Variants in CBR4 observed in about 807,000 individuals in gnomAD.
CBR4 encodes carbonyl reductase 4.
In CBR4, 22 loss-of-function variants were observed where a neutral mutation model predicts 21.0. That is an observed-to-expected ratio of 1.05 (90% CI 0.75 to 1.50). The LOEUF (loss-of-function observed/expected upper bound fraction) is 1.50, where lower values mean the gene tolerates loss of function less well. Ranked by LOEUF, CBR4 falls within the 40% of genes most tolerant of loss-of-function variation. The pLI is 0.00. For synonymous variants in CBR4, 100 were observed against 104.4 expected (o/e 0.96, Z 0.26); for missense variants, 302 against 286.3 (o/e 1.05, Z -0.40).
At chr4:168,939,648 A>T (rs1227210857) in intron 2 of CBR4, among the ~76,000 whole-genome samples, 1 of 152,190 alleles carries the variant, frequency 6.6e-6, no homozygotes, top group Non-Finnish European at 1.5e-5. Flanking sequence ...CCTATACACC[A>T]ATAACAGAGA....
Position 168,993,726 on chromosome 4 carries a change from T to C in CBR4, c.536-3398A>G, listed in dbSNP as rs116117520. Among the ~76,000 whole-genome samples the C allele has an allele frequency of 7.6e-3, 1,164 of 152,256 alleles. 17 individuals carry two copies. The highest frequency in any genetic ancestry group is 0.026 in the African/African-American group (1,087 of 41,542). ...CAGTAACTCTCACAAACTGTCAGCA[T>C]AAAAATCGATGCATTTTAACCCAAA... On this transcript the variant is annotated intron_variant, in intron 4 of 4. Coordinates refer to ENST00000306193, the MANE Select transcript of CBR4 (RefSeq NM_032783.5).
At chr4:168,994,269 T>C (rs1553994669) in intron 4 of CBR4, among the ~76,000 whole-genome samples, 2 of 152,236 alleles carry the variant, frequency 1.3e-5, no homozygotes, top group Non-Finnish European at 2.9e-5. Flanking sequence ...AAGGCACAGA[T>C]CGCTCATGCT....
chr4:168,951,994 T>C (rs1285122186), intron 2 of CBR4, among the ~76,000 whole-genome samples: 1 of 152,214 alleles, frequency 6.6e-6, no homozygotes, highest in Admixed American at 6.5e-5. Flanking sequence ...TCCTCAATTA[T>C]TCCCCCAAAT....
Position 169,007,725 on chromosome 4 carries a change from A to G in CBR4, c.174T>C (p.Ala58=), listed in dbSNP as rs1269827727. 3.1e-6 allele frequency: 5 copies of G among 1,590,028 alleles called. No individual in the cohort carries two copies. The African/African-American group carries it at 6.8e-5, about 21-fold the overall frequency. Reference sequence around the variant, plus strand: ...ATGTATTTTGAACATCATGTTCTTTAGCAACATCACAGCTAAATGCCAAAT... The same window carrying G: ...ATGTATTTTGAACATCATGTTCTTTGGCAACATCACAGCTAAATGCCAAAT... ...GDHLAFSCDV[A]KEHDVQNTFE... is the part of the protein sequence containing the mutation. Residue 58 remains alanine, a synonymous_variant, in exon 2 of 5, where the codon GCT becomes GCC. Coordinates refer to ENST00000306193, the MANE Select transcript of CBR4 (RefSeq NM_032783.5).
At chr4:168,993,569 C>T (rs1765028653) in intron 4 of CBR4, among the ~76,000 whole-genome samples, 1 of 152,158 alleles carries the variant, frequency 6.6e-6, no homozygotes, top group Non-Finnish European at 1.5e-5. Context: ...CCTCATCTCA[C>T]ACTTGTAATA....
intron 2 of CBR4, chr4:168,903,940 T>G: frequency 1.3e-6 from 2 of 1,589,062 alleles, no homozygotes; most frequent in Non-Finnish European, 1.7e-6. Context: ...CTCAGTTCTG[T>G]GTCTAGTGCT....
At chr4:169,009,616 T>C (rs1463007773) in intron 1 of CBR4, among the ~76,000 whole-genome samples, 1 of 152,188 alleles carries the variant, frequency 6.6e-6, no homozygotes, top group Non-Finnish European at 1.5e-5. Flanking sequence ...CGTGGCTCTC[T>C]CCCACAACAG....
chr4:168,971,926 AGATTT>A (rs1440041300), intron 2 of CBR4, among the ~76,000 whole-genome samples: 1 of 152,100 alleles, frequency 6.6e-6, no homozygotes, highest in Non-Finnish European at 1.5e-5. Flanking sequence ...TTTGGGTCTT[AGATTT>A]AAGTCTTTGA....
At chr4:168,986,666 G>T (rs144444666), downstream of CBR4, among the ~76,000 whole-genome samples, 736 of 152,184 alleles carry the variant, frequency 4.8e-3, 7 homozygotes, top group Admixed American at 5.5e-3. Context: ...TTTCCTGGCC[G>T]GGCATGGTGG....
intron 4 of CBR4, among the ~76,000 whole-genome samples, chr4:168,991,548 C>T (rs1290966933): frequency 6.6e-6 from 1 of 152,004 alleles, no homozygotes; most frequent in Admixed American, 6.6e-5. Flanking sequence ...GTAAAGCCTG[C>T]CAAGAAAATG....
At chr4:168,976,671 C>G (rs1427481748) in intron 2 of CBR4, among the ~76,000 whole-genome samples, 1 of 151,748 alleles carries the variant, frequency 6.6e-6, no homozygotes, top group African/African-American at 2.4e-5. Flanking sequence ...AGCATCTTCT[C>G]AAAGGTGTGG....
intron 2 of CBR4, among the ~76,000 whole-genome samples, chr4:168,981,591 T>A (rs900580804): frequency 2.0e-5 from 3 of 152,028 alleles, no homozygotes; most frequent in Non-Finnish European, 4.4e-5. Flanking sequence ...TTTTTTTAAA[T>A]GAACAAAACC....
intron 2 of CBR4, among the ~76,000 whole-genome samples, chr4:168,924,028 G>A (rs950608298): frequency 6.6e-6 from 1 of 152,196 alleles, no homozygotes; most frequent in African/African-American, 2.4e-5. Context: ...TGGACAGTGT[G>A]AGCCTATCAG....
rs1582241602 is a variant in CBR4, at chr4:168,924,264, C to G, written n.170-29499G>C. 6.2e-7 allele frequency: 1 copy of G among 1,613,734 alleles called. No homozygotes were observed. Among genetic ancestry groups the G allele is most frequent in the African/African-American group, 1.3e-5 (1 of 75,008 alleles). On this transcript the variant is annotated intron_variant and non_coding_transcript_variant, in intron 2 of 3. Transcript: ENST00000509108. ...TCTCATGTTTTCTTAGCTAAAGAAG[C>G]ACACAAACCCCCTGTGTTTATTGAG...
rs1229944035 is a variant in CBR4, at chr4:168,926,476, AC to A, written n.170-31712del. 20 of 825,878 alleles carry A rather than the reference AC, an allele frequency of 2.4e-5. No individual in the cohort carries two copies. In the African/African-American group the frequency reaches 3.1e-4, roughly 13 times the overall value. 51.2% of individuals were successfully genotyped at this position (825,878 alleles called of 1,614,324 possible). ...CACATTATGTAAAAGGCAGAAACATACCTTTGACTATAAGAAATTAAAAAAA... is the reference window on the plus strand; with the variant it reads ...CACATTATGTAAAAGGCAGAAACATACTTTGACTATAAGAAATTAAAAAAA... On this transcript the variant is annotated intron_variant and non_coding_transcript_variant, in intron 2 of 3. Transcript: ENST00000509108.
intron 4 of CBR4, among the ~76,000 whole-genome samples, chr4:168,998,256 T>G (rs1250816377): frequency 6.6e-6 from 1 of 152,224 alleles, no homozygotes. Context: ...CTTGCAAATG[T>G]GCAAAATAAA....
intron 2 of CBR4, among the ~76,000 whole-genome samples, chr4:168,950,989 T>G (rs1763525221): frequency 6.6e-6 from 1 of 152,244 alleles, no homozygotes; most frequent in Non-Finnish European, 1.5e-5. Flanking sequence ...CCTTATGTGT[T>G]AAGTGAGTCT....
chr4:168,938,294 T>C (rs1196714440), intron 2 of CBR4, among the ~76,000 whole-genome samples: 2 of 152,166 alleles, frequency 1.3e-5, no homozygotes, highest in Non-Finnish European at 2.9e-5. Context: ...TACCAGAATC[T>C]CTGGGACACA....
At chr4:168,906,186 G>T (rs1020571823) in intron 2 of CBR4, among the ~76,000 whole-genome samples, 1 of 151,966 alleles carries the variant, frequency 6.6e-6, no homozygotes, top group Non-Finnish European at 1.5e-5. Context: ...AATTATCTGT[G>T]GTCCTTACGT....
Sources: allele counts gnomAD v4.1 joint callset (sites outside exome capture counted in the v4.1 genomes callset), GRCh38; gene constraint gnomAD v4.1.1; transcripts MANE v1.5; gene names NCBI Gene and HGNC (gene_info 2026-07-23, HGNC 2026-07-21).